Variants in ZCWPW2 observed in about 807,000 individuals in gnomAD.
ZCWPW2 encodes zinc finger CW-type and PWWP domain containing 2.
Under a neutral mutation model 46.6 loss-of-function variants are expected in ZCWPW2, and 45 were observed. The observed-to-expected ratio is 0.96, with a 90% CI of 0.76 to 1.24. The LOEUF is 1.24. Ranked by LOEUF, ZCWPW2 falls within the 50% of genes most tolerant of loss-of-function variation. The probability of loss-of-function intolerance (pLI) is 0.00; values close to 1 mark genes in which losing one functional copy is unlikely to be tolerated. For missense variants in ZCWPW2, 429 were observed against 403.9 expected (o/e 1.06, Z -0.53); for synonymous variants, 152 against 137.1 (o/e 1.11, Z -0.76).
intron 4 of ZCWPW2, among the ~76,000 whole-genome samples, chr3:28,438,390 A>T (rs949415470): frequency 9.8e-5 from 15 of 152,328 alleles, no homozygotes; most frequent in African/African-American, 3.4e-4. Context: ...AACCAACTGT[A>T]TATACAGGGA....
At chr3:28,438,974 A>C (rs1444448805) in intron 4 of ZCWPW2, among the ~76,000 whole-genome samples, 1 of 151,724 alleles carries the variant, frequency 6.6e-6, no homozygotes, top group Non-Finnish European at 1.5e-5. Context: ...GAAATTATTG[A>C]GTCTCAGTGT....
intron 1 of ZCWPW2, among the ~76,000 whole-genome samples, chr3:28,370,135 C>T (rs1298213467): frequency 6.6e-6 from 1 of 152,226 alleles, no homozygotes; most frequent in Non-Finnish European, 1.5e-5. Context: ...CCTGCTTTGG[C>T]TCATGCTTGG....
intron 1 of ZCWPW2, among the ~76,000 whole-genome samples, chr3:28,368,307 T>C (rs1050852962): frequency 6.6e-6 from 1 of 152,190 alleles, no homozygotes; most frequent in East Asian, 1.9e-4. Context: ...CCATGTTTAG[T>C]GCTTCCTTCA....
chr3:28,519,149 A>C (rs1700654557), intron 8 of ZCWPW2, among the ~76,000 whole-genome samples: 1 of 152,214 alleles, frequency 6.6e-6, no homozygotes, highest in African/African-American at 2.4e-5. Flanking sequence ...TAACATGTTA[A>C]TTACAGGCTT....
intron 4 of ZCWPW2, among the ~76,000 whole-genome samples, chr3:28,461,367 A>AT (rs953309952): frequency 2.0e-5 from 3 of 152,086 alleles, no homozygotes; most frequent in East Asian, 3.9e-4. Flanking sequence ...TTAGACACAC[A>AT]TTTTTTTCAA....
At chr3:28,382,147 A>G (rs557554831) in intron 1 of ZCWPW2, among the ~76,000 whole-genome samples, 1 of 141,824 alleles carries the variant, frequency 7.1e-6, no homozygotes, top group African/African-American at 2.7e-5. Flanking sequence ...GGGCAAGAAG[A>G]GTCAAACTGC....
chr3:28,358,098 C>G (rs570428270), intron 1 of ZCWPW2, among the ~76,000 whole-genome samples: 1 of 152,004 alleles, frequency 6.6e-6, no homozygotes, highest in South Asian at 2.1e-4. Flanking sequence ...ACAGTCAAAT[C>G]TGTTCACCTA....
chr3:28,435,176 T>C lies in ZCWPW2; in HGVS notation c.399T>C (p.Asn133=). The C allele has an allele frequency of 6.2e-7, 1 of 1,613,704 alleles. No homozygotes were observed. Among genetic ancestry groups the C allele is most frequent in the Non-Finnish European group, 8.5e-7 (1 of 1,179,950 alleles). The change falls in exon 4 of 10, where the codon AAT becomes AAC. Residue 133 remains asparagine, a synonymous_variant. Coordinates refer to ENST00000383768, the MANE Select transcript of ZCWPW2 (RefSeq NM_001040432.4). The stretch of plus-strand genomic sequence containing the variant: ...ATGTAACTTATGACCCGGATGGAAA[T>C]GTTGAAGAGTATCACATAGAATTCC... The part of the protein sequence containing the change: ...GKYVTYDPDG[N]VEEYHIEFLG...
rs1388215394 is a variant in ZCWPW2 at position 28,524,728 on chromosome 3, C to T, written c.*40C>T. 2.9e-6 allele frequency: 4 copies of T among 1,386,074 alleles called. No homozygotes were observed. The highest frequency in any genetic ancestry group is 3.8e-6 in the Non-Finnish European group (4 of 1,044,500). 85.9% of individuals were successfully genotyped at this position (1,386,074 alleles called of 1,614,324 possible). On this transcript the variant is annotated 3_prime_UTR_variant, in exon 10 of 10. Transcript: ENST00000383768. ...TTCAAATTAATTATAAAAATATTGG[C>T]ATCTTTATATTTATCCAAAGTTAAA...
chr3:28,516,061 T>G (rs1212659577), intron 8 of ZCWPW2, among the ~76,000 whole-genome samples: 1 of 151,684 alleles, frequency 6.6e-6, no homozygotes, highest in Non-Finnish European at 1.5e-5. Context: ...GTCAACACAG[T>G]GAAACCGGTC....
chr3:28,394,253 A>G (rs1695606935), intron 2 of ZCWPW2, among the ~76,000 whole-genome samples: 2 of 152,142 alleles, frequency 1.3e-5, no homozygotes, highest in Admixed American at 1.3e-4. Flanking sequence ...ACTATAAAAC[A>G]TTGATGAAAT....
At chr3:28,433,695 G>A (rs1330879979) in intron 3 of ZCWPW2, among the ~76,000 whole-genome samples, 3 of 151,500 alleles carry the variant, frequency 2.0e-5, no homozygotes, top group African/African-American at 7.3e-5. Context: ...GACGGAGGCT[G>A]CGGTGAGCCG....
At chr3:28,468,142 C>T (rs897676501) in intron 4 of ZCWPW2, among the ~76,000 whole-genome samples, 8 of 151,770 alleles carry the variant, frequency 5.3e-5, no homozygotes, top group African/African-American at 1.9e-4. Context: ...AAGAATTAAG[C>T]AGAAGTTCTG....
At chr3:28,363,675 G>A (rs1382539523) in intron 1 of ZCWPW2, among the ~76,000 whole-genome samples, 1 of 152,020 alleles carries the variant, frequency 6.6e-6, no homozygotes, top group Admixed American at 6.6e-5. Flanking sequence ...ATTTACCTGT[G>A]CTAGTCACCC....
chr3:28,423,050 A>T (rs1696857891), intron 3 of ZCWPW2, among the ~76,000 whole-genome samples: 1 of 151,968 alleles, frequency 6.6e-6, no homozygotes, highest in Admixed American at 6.6e-5. Context: ...AAATCTGGTT[A>T]TTCATTTTCT....
chr3:28,469,843 A>T (rs1011549962), intron 4 of ZCWPW2, among the ~76,000 whole-genome samples: 14 of 152,182 alleles, frequency 9.2e-5, no homozygotes, highest in African/African-American at 3.4e-4. Context: ...AGAATTCAAC[A>T]TCCCACTTTC....
At chr3:28,364,120 G>A (rs1705036882) in intron 1 of ZCWPW2, among the ~76,000 whole-genome samples, 1 of 152,134 alleles carries the variant, frequency 6.6e-6, no homozygotes, top group African/African-American at 2.4e-5. Context: ...GAAAAAGACT[G>A]ATAGTATCAA....
intron 1 of ZCWPW2, among the ~76,000 whole-genome samples, chr3:28,387,337 G>C (rs1695316121): frequency 6.6e-6 from 1 of 151,936 alleles, no homozygotes; most frequent in Non-Finnish European, 1.5e-5. Flanking sequence ...AGATCTGAGG[G>C]TACTATTTTT....
At chr3:28,379,550 A>C (rs1705605593) in intron 1 of ZCWPW2, among the ~76,000 whole-genome samples, 3 of 152,208 alleles carry the variant, frequency 2.0e-5, no homozygotes, top group South Asian at 4.1e-4. Context: ...TATCTTCTGC[A>C]TTAAAATGGG....
Sources: allele counts gnomAD v4.1 joint callset (sites outside exome capture counted in the v4.1 genomes callset), GRCh38; gene constraint gnomAD v4.1.1; transcripts MANE v1.5; gene names NCBI Gene and HGNC (gene_info 2026-07-23, HGNC 2026-07-21).